Variants in OPRM1 observed in about 807,000 individuals in gnomAD.
OPRM1 encodes mu-type opioid receptor.
OPRM1 carries 27 observed loss-of-function variants against 31.8 expected under a neutral mutation model. The ratio of observed to expected loss-of-function variants is 0.85; its 90% CI spans 0.63 to 1.17. OPRM1 has a LOEUF of 1.17. Among genes scored for constraint, OPRM1 ranks in the 50% most tolerant of loss-of-function variants. The pLI, the probability that OPRM1 is intolerant of heterozygous loss-of-function variation, is 0.00. For missense variants in OPRM1, 536 were observed against 511.1 expected (o/e 1.05, Z -0.47); for synonymous variants, 196 against 189.9 (o/e 1.03, Z -0.26).
intron 3 of OPRM1, among the ~76,000 whole-genome samples, chr6:154,192,318 C>CTGTGTGTTTGTGTGTGTGTGTG (rs374502866): frequency 1.4e-5 from 2 of 148,032 alleles, no homozygotes; most frequent in Non-Finnish European, 3.0e-5. Context: ...CACGTGGTTA[C>CTGTGTGTTTGTGTGTGTGTGTG]TGTGTGTGTG....
chr6:154,137,219 G>A (rs1798082253), downstream of OPRM1, among the ~76,000 whole-genome samples: 1 of 152,088 alleles, frequency 6.6e-6, no homozygotes, highest in Non-Finnish European at 1.5e-5. Flanking sequence ...AAATGCCTAT[G>A]AAATACAAGT....
At position 154,128,169 on chromosome 6, in the gene OPRM1, C is replaced by T. The variant is rs1476756965; in HGVS notation, c.*9448C>T. ...TACCTGTAATTCAATCATATAACTT[C>T]TGAATGGGCTGGGGGAAAATAACAA... is the stretch of plus-strand genomic sequence containing the variant. On this transcript the variant is annotated 3_prime_UTR_variant, in exon 4 of 4. Transcript: ENST00000330432. Among the ~76,000 whole-genome samples, 1 of 152,170 alleles carries T rather than the reference C, an allele frequency of 6.6e-6. No homozygotes were observed. Among genetic ancestry groups the T allele is most frequent in the Non-Finnish European group, 1.5e-5 (1 of 68,036 alleles).
At chr6:154,056,074 G>A (rs1783214509) in intron 1 of OPRM1, among the ~76,000 whole-genome samples, 1 of 152,120 alleles carries the variant, frequency 6.6e-6, no homozygotes, top group Admixed American at 6.5e-5. Flanking sequence ...TCTAATCACA[G>A]TAAAATTGGT....
At chr6:154,098,352 A>G (rs185460191) in intron 3 of OPRM1, among the ~76,000 whole-genome samples, 2 of 152,354 alleles carry the variant, frequency 1.3e-5, no homozygotes, top group East Asian at 3.9e-4. Flanking sequence ...AAAACTAACA[A>G]AATGAGATGT....
At chr6:154,087,168 TG>T (rs898983584) in intron 1 of OPRM1, 2 of 985,352 alleles carry the variant, frequency 2.0e-6, no homozygotes, top group African/African-American at 3.5e-5. Context: ...GGAGCTTTTC[TG>T]GCAGTAATGC....
intron 3 of OPRM1, among the ~76,000 whole-genome samples, chr6:154,109,833 T>TGTGTG: frequency 2.1e-5 from 3 of 146,230 alleles, no homozygotes; most frequent in African/African-American, 7.5e-5. Flanking sequence ...TGTGTGTGTG[T>TGTGTG]TGCATACATA....
At position 154,129,881 on chromosome 6, in the gene OPRM1, C is replaced by CAT. The variant is rs1797794997; in HGVS notation, c.*11161_*11162insTA. Among the ~76,000 whole-genome samples, 1 of 149,186 alleles carries CAT rather than the reference C, an allele frequency of 6.7e-6. No homozygotes were observed. Among genetic ancestry groups the CAT allele is most frequent in the African/African-American group, 2.4e-5 (1 of 40,846 alleles). On this transcript the variant is annotated 3_prime_UTR_variant, in exon 4 of 4. Transcript: ENST00000330432. ...ACACACACACACACACACACACACA[C>CAT]ACACAACATAGTGAAATGGACCCGT...
At chr6:154,165,655 A>C (rs770836073) in intron 3 of OPRM1, among the ~76,000 whole-genome samples, 2 of 152,210 alleles carry the variant, frequency 1.3e-5, no homozygotes, top group East Asian at 3.9e-4. Flanking sequence ...CGGGCCCCCA[A>C]TCTTCTCTGC....
chr6:154,135,418 C>T (rs1011341666), downstream of OPRM1, among the ~76,000 whole-genome samples: 3 of 151,554 alleles, frequency 2.0e-5, no homozygotes, highest in African/African-American at 4.9e-5. Flanking sequence ...TGCAGTGAAC[C>T]GAGATCATGC....
intron 3 of OPRM1, among the ~76,000 whole-genome samples, chr6:154,204,848 G>A (rs561795433): frequency 6.6e-5 from 10 of 152,094 alleles, no homozygotes; most frequent in Non-Finnish European, 1.2e-4. Context: ...AATATCCATA[G>A]TATTCATTAG....
intron 3 of OPRM1, among the ~76,000 whole-genome samples, chr6:154,094,615 T>C (rs1793036467): frequency 6.6e-6 from 1 of 152,182 alleles, no homozygotes; most frequent in Admixed American, 6.5e-5. Context: ...CCACATGGAC[T>C]CTTACCGTCT....
At chr6:154,013,586 GCTTA>G (rs1374235210) in intron 1 of OPRM1, among the ~76,000 whole-genome samples, 3 of 152,176 alleles carry the variant, frequency 2.0e-5, no homozygotes, top group Non-Finnish European at 4.4e-5. Context: ...GTTTAATAAA[GCTTA>G]GTAAAATGAA....
At chr6:154,147,066 C>A (rs1417811013) in intron 3 of OPRM1, among the ~76,000 whole-genome samples, 1 of 152,094 alleles carries the variant, frequency 6.6e-6, no homozygotes, top group East Asian at 1.9e-4. Flanking sequence ...TCACTGGCTG[C>A]TGAGGGAGAG....
At position 154,114,526 on chromosome 6, in the gene OPRM1, C is replaced by G. The variant is rs145393623; in HGVS notation, c.1165-4157C>G. Among the ~76,000 whole-genome samples the G allele has an allele frequency of 1.9e-4, 29 of 152,196 alleles. 1 individual carries two copies. The East Asian group carries it at 5.4e-3, about 28-fold the overall frequency. ...AAATAACAGGGAAATTCACGTAGTACTGCAACAGCCCAGTAAACATGTTTT... is the reference window on the plus strand; with the variant it reads ...AAATAACAGGGAAATTCACGTAGTAGTGCAACAGCCCAGTAAACATGTTTT... On this transcript the variant is annotated intron_variant, in intron 3 of 3. Transcript: ENST00000330432.
chr6:154,080,100 A>G (rs1788759582), intron 1 of OPRM1, among the ~76,000 whole-genome samples: 1 of 152,164 alleles, frequency 6.6e-6, no homozygotes. Context: ...TTGCAAATTG[A>G]TCCTGGAATT....
At chr6:154,215,780 C>G (rs1778346185) in intron 3 of OPRM1, among the ~76,000 whole-genome samples, 2 of 151,962 alleles carry the variant, frequency 1.3e-5, no homozygotes, top group African/African-American at 4.8e-5. Context: ...AACAGGAACC[C>G]AAAAATGTAT....
intron 1 of OPRM1, among the ~76,000 whole-genome samples, chr6:154,051,582 C>G (rs933044159): frequency 3.3e-5 from 5 of 152,114 alleles, no homozygotes; most frequent in African/African-American, 1.2e-4. Flanking sequence ...AGAAAAAGCT[C>G]AACATCACAG....
chr6:154,161,317 T>C (rs2128547439), intron 3 of OPRM1, among the ~76,000 whole-genome samples: 1 of 151,968 alleles, frequency 6.6e-6, no homozygotes, highest in South Asian at 2.1e-4. Context: ...TTCAAGCGAT[T>C]CTCCTGCATC....
rs190450820 is a variant in OPRM1 at position 154,125,083 on chromosome 6, C to G, written c.*6362C>G. ...AAACTTCTGTCCTGTGGGAGCAATA[C>G]AAAACTATACCAGTTTTTTGTTAGT... On this transcript the variant is annotated 3_prime_UTR_variant, in exon 4 of 4. Coordinates refer to ENST00000330432, the MANE Select transcript of OPRM1 (RefSeq NM_000914.5). Among the ~76,000 whole-genome samples, 7 of 152,108 alleles carry G rather than the reference C, an allele frequency of 4.6e-5. No individual in the cohort carries two copies.
Sources: gnomAD v4.1 joint callset for allele counts (sites outside exome capture counted in the v4.1 genomes callset) on GRCh38, gnomAD v4.1.1 for gene constraint, MANE v1.5 for transcripts, NCBI Gene and HGNC (gene_info 2026-07-23, HGNC 2026-07-21) for gene names.